PRCD: variants seen among roughly 807,000 people sequenced by gnomAD.
PRCD encodes the protein photoreceptor disk component PRCD.
In PRCD, 12 loss-of-function variants were observed where a neutral mutation model predicts 10.1. The ratio of observed to expected loss-of-function variants is 1.18; its 90% CI spans 0.76 to 1.92. PRCD has a LOEUF of 1.92. Ranked by LOEUF, PRCD falls within the 40% of genes most tolerant of loss-of-function variation. The pLI is 0.00. For synonymous variants in PRCD, 31 were observed against 26.2 expected (o/e 1.18, Z -0.56); for missense variants, 61 against 72.2 (o/e 0.84, Z 0.56).
At chr17:76,542,525 C>T (rs1177727814) in intron 2 of PRCD, 28 bp from the exon 3 acceptor site, 1 of 1,614,082 alleles carries the variant, frequency 6.2e-7, no homozygotes, top group East Asian at 2.2e-5. Context: ...GCCCTTCAAT[C>T]CTGACCCCAG....
Position 76,540,150 on chromosome 17 carries a change from C to G in PRCD, c.9C>G (p.Thr3=). MC[T]TLFLLSTLAM... is the part of the protein sequence containing the mutation. ...GATGGGGCAGCTGCGCCATGTGCAC[C>G]ACCCTTTTCCTGCTCAGCACCCTGG... The change falls in exon 1 of 5, where the codon ACC becomes ACG. Residue 3 remains threonine, a synonymous_variant. Coordinates refer to ENST00000592014, the MANE Select transcript of PRCD (RefSeq NM_001077620.3). This position sits in a 1 kb window ranked among gnomAD's most constrained non-coding sequence, Gnocchi z 5.0. 6.2e-7 allele frequency: 1 copy of G among 1,604,602 alleles called. No homozygotes were observed. The highest frequency in any genetic ancestry group is 1.1e-5 in the South Asian group (1 of 89,050).
chr17:76,531,083 A>C lies in PRCD; in HGVS notation n.45+3250A>C. Reference sequence around the variant, plus strand: ...GCTTGGCCCAGGCTCTCTGCGTCTCAGGTGGGAAGTCACTGGCAAATTCCT... The same window carrying C: ...GCTTGGCCCAGGCTCTCTGCGTCTCCGGTGGGAAGTCACTGGCAAATTCCT... On this transcript the variant is annotated intron_variant and non_coding_transcript_variant, in intron 1 of 4. Coordinates refer to the PRCD transcript ENST00000397633. The surrounding 1 kb of genome is among the most constrained non-coding windows in gnomAD (Gnocchi z 7.4). 6.2e-7 allele frequency: 1 copy of C among 1,613,690 alleles called. No individual in the cohort carries two copies.
At chr17:76,539,098 C>G (rs1481445550), upstream of PRCD, among the ~76,000 whole-genome samples, 1 of 152,072 alleles carries the variant, frequency 6.6e-6, no homozygotes, top group Non-Finnish European at 1.5e-5. Context: ...GAATGAAAAT[C>G]TAATGCCTCC....
In PRCD at chr17:76,528,850, G is replaced by A; in HGVS notation, n.45+1017G>A. ...CTCCGGATCTTTTTCTCTAAAATGT[G>A]AATAATGTCTGTCTTGTGACATAAA... On this transcript the variant is annotated intron_variant and non_coding_transcript_variant, in intron 1 of 4. Transcript: ENST00000397633. The surrounding 1 kb of genome is among the most constrained non-coding windows in gnomAD (Gnocchi z 5.8). 8.2e-7 allele frequency: 1 copy of A among 1,215,334 alleles called. No homozygotes were observed. The allele number at this position is 1,215,334 out of a possible 1,614,324, so 75.3% of individuals were successfully genotyped here.
intron 1 of PRCD, chr17:76,551,426 T>C (rs907033507): frequency 7.2e-5 from 11 of 152,188 alleles, no homozygotes; most frequent in Non-Finnish European, 1.5e-5. Flanking sequence ...GTCAAATGCA[T>C]CGCTTTTTTT....
In PRCD at chr17:76,530,530, G is replaced by A. The variant is rs1801660306; in HGVS notation, n.45+2697G>A. Among the ~76,000 whole-genome samples the A allele has an allele frequency of 6.6e-6, 1 of 152,164 alleles. No homozygotes were observed. The highest frequency in any genetic ancestry group is 2.1e-4 in the South Asian group (1 of 4,830). Reference sequence around the variant, plus strand: ...ATCCTCCGGGCTCTAGCCCTATTGAGGCAGAGGGCATTTAGCAGCACTGGT... The same window carrying A: ...ATCCTCCGGGCTCTAGCCCTATTGAAGCAGAGGGCATTTAGCAGCACTGGT... On this transcript the variant is annotated intron_variant and non_coding_transcript_variant, in intron 1 of 4. Transcript: ENST00000397633. The surrounding 1 kb of genome is among the most constrained non-coding windows in gnomAD (Gnocchi z 6.1).
chr17:76,540,686 T>C lies in PRCD; in HGVS notation c.143+113T>C. 9.3e-7 allele frequency: 1 copy of C among 1,073,602 alleles called. No individual in the cohort carries two copies. Among genetic ancestry groups the C allele is most frequent in the Non-Finnish European group, 1.4e-6 (1 of 710,284 alleles). The allele number at this position is 1,073,602 out of a possible 1,614,324, so 66.5% of individuals were successfully genotyped here. Reference sequence around the variant, plus strand: ...GCGCGCCTGTGCGTGCACCGTATCCTGGCCCTTGCCCTAAGCACCCTGCTC... The same window carrying C: ...GCGCGCCTGTGCGTGCACCGTATCCCGGCCCTTGCCCTAAGCACCCTGCTC... On this transcript the variant is annotated intron_variant, in intron 2 of 4. Transcript: ENST00000592014. The surrounding 1 kb of genome is among the most constrained non-coding windows in gnomAD (Gnocchi z 5.0).
Position 76,528,694 on chromosome 17 carries a change from T to G in PRCD, n.45+861T>G. On this transcript the variant is annotated intron_variant and non_coding_transcript_variant, in intron 1 of 4. Coordinates refer to the PRCD transcript ENST00000397633. This position sits in a 1 kb window ranked among gnomAD's most constrained non-coding sequence, Gnocchi z 5.8. Reference sequence around the variant, plus strand: ...GGGGGAAAGGGGGAGGACCTGGGGCTGGCGAGGCTCACTTCCTGCCAAGAG... The same window carrying G: ...GGGGGAAAGGGGGAGGACCTGGGGCGGGCGAGGCTCACTTCCTGCCAAGAG... 1.7e-6 allele frequency: 2 copies of G among 1,202,500 alleles called. No homozygotes were observed. Among genetic ancestry groups the G allele is most frequent in the Non-Finnish European group, 2.1e-6 (2 of 945,966 alleles). The allele number at this position is 1,202,500 out of a possible 1,614,324, so 74.5% of individuals were successfully genotyped here. A position where few individuals can be genotyped will look rare whatever the true frequency, so the allele number is the denominator to read the frequency against.
Position 76,540,408 on chromosome 17 carries a change from C to T in PRCD, c.75-97C>T. ...GAGCTTCAAAGGCTCTAGTTGCAGC[C>T]TCTACTCCCATAGCCCAATGCGGCC... On this transcript the variant is annotated intron_variant, in intron 1 of 4. Coordinates refer to ENST00000592014, the MANE Select transcript of PRCD (RefSeq NM_001077620.3). The surrounding 1 kb of genome is among the most constrained non-coding windows in gnomAD (Gnocchi z 5.0). The T allele has an allele frequency of 7.1e-7, 1 of 1,405,632 alleles. No homozygotes were observed. The highest frequency in any genetic ancestry group is 1.2e-5 in the South Asian group (1 of 86,642). The allele number at this position is 1,405,632 out of a possible 1,614,324, so 87.1% of individuals were successfully genotyped here.
Position 76,544,420 on chromosome 17 carries a change from G to C in PRCD, c.*770G>C, listed in dbSNP as rs991795551. 17 of 454,770 alleles carry C rather than the reference G, an allele frequency of 3.7e-5. No homozygotes were observed. The highest frequency in any genetic ancestry group is 1.4e-4 in the Admixed American group (6 of 42,556). The allele number at this position is 454,770 out of a possible 1,614,324, so 28.2% of individuals were successfully genotyped here. A position where few individuals can be genotyped will look rare whatever the true frequency, so the allele number is the denominator to read the frequency against. On this transcript the variant is annotated 3_prime_UTR_variant, in exon 5 of 5. Transcript: ENST00000592014. ...GAACCGCTGGGGAGGCGCTCAGGGTGGGGGAGGAGGTGCACCCCGCTGGGG... is the reference window on the plus strand; with the variant it reads ...GAACCGCTGGGGAGGCGCTCAGGGTCGGGGAGGAGGTGCACCCCGCTGGGG...
Position 76,544,525 on chromosome 17 carries a change from G to A in PRCD, c.*875G>A. ...GTGGGAGCCTCTCAAAGTAGGGCAG[G>A]CAGGAGGCAGGGGGAAAGTCACACT... On this transcript the variant is annotated 3_prime_UTR_variant, in exon 5 of 5. Transcript: ENST00000592014. 2.2e-6 allele frequency: 1 copy of A among 456,548 alleles called. No homozygotes were observed. Among genetic ancestry groups the A allele is most frequent in the Non-Finnish European group, 4.4e-6 (1 of 226,992 alleles). 28.3% of individuals were successfully genotyped at this position (456,548 alleles called of 1,614,324 possible). A position where few individuals can be genotyped will look rare whatever the true frequency, so the allele number is the denominator to read the frequency against.
chr17:76,535,842 G>A (rs1598206968), upstream of PRCD, among the ~76,000 whole-genome samples: 2 of 152,200 alleles, frequency 1.3e-5, no homozygotes, highest in South Asian at 2.1e-4. Context: ...CTTCCTCCAC[G>A]TATCCGCACA....
upstream of PRCD, among the ~76,000 whole-genome samples, chr17:76,539,228 C>G (rs1003684509): frequency 6.6e-6 from 1 of 152,246 alleles, no homozygotes; most frequent in African/African-American, 2.4e-5. Flanking sequence ...TGAACAGCTT[C>G]TCAAAGTTGG....
downstream of PRCD, among the ~76,000 whole-genome samples, chr17:76,547,791 T>G (rs921259667): frequency 2.8e-5 from 4 of 142,576 alleles, no homozygotes; most frequent in African/African-American, 1.1e-4. Context: ...CACACAGACA[T>G]ACACACATTC....
Position 76,544,595 on chromosome 17 carries a change from CAGGCCGTG to C in PRCD, c.*948_*955del. The stretch of plus-strand genomic sequence containing the variant: ...GCAAAGCCAGAGCGCCAGCCTGACC[CAGGCCGTG>C]AGCCCGTGATCGCCTGTCTCAGCTC... On this transcript the variant is annotated 3_prime_UTR_variant, in exon 5 of 5. Coordinates refer to ENST00000592014, the MANE Select transcript of PRCD (RefSeq NM_001077620.3). 1 of 456,746 alleles carries C rather than the reference CAGGCCGTG, an allele frequency of 2.2e-6. No homozygotes were observed. The highest frequency in any genetic ancestry group is 4.4e-6 in the Non-Finnish European group (1 of 226,962). The allele number at this position is 456,746 out of a possible 1,614,324, so 28.3% of individuals were successfully genotyped here. A position where few individuals can be genotyped will look rare whatever the true frequency, so the allele number is the denominator to read the frequency against.
At chr17:76,529,267 G>T in intron 1 of PRCD, 1 of 985,434 alleles carries the variant, frequency 1.0e-6, no homozygotes, top group Non-Finnish European at 1.2e-6. Context: ...GTGGGCTAGA[G>T]GGTGTAAAGG....
chr17:76,535,056 T>C (rs558851278), upstream of PRCD, among the ~76,000 whole-genome samples: 54 of 152,304 alleles, frequency 3.5e-4, no homozygotes, highest in African/African-American at 1.2e-3. Context: ...GAGGAAGGTG[T>C]CAGAGTTACA....
chr17:76,534,146 T>TTCTC (rs71158013), intron 1 of PRCD, among the ~76,000 whole-genome samples: 4,774 of 128,908 alleles, frequency 0.037, 121 homozygotes, highest in South Asian at 0.11. Flanking sequence ...CTCTTTCTCT[T>TTCTC]TCTCTCTCTC....
upstream of PRCD, among the ~76,000 whole-genome samples, chr17:76,538,711 C>T (rs928283556): frequency 3.9e-5 from 6 of 152,214 alleles, no homozygotes; most frequent in African/African-American, 1.4e-4. Context: ...CTATCCAGGG[C>T]AGTGTGAGAT....
Sources: gnomAD v4.1 joint callset for allele counts (sites outside exome capture counted in the v4.1 genomes callset) on GRCh38, gnomAD v4.1.1 for gene constraint, Gnocchi (gnomAD v3.1) non-coding constraint, MANE v1.5 for transcripts, NCBI Gene and HGNC (gene_info 2026-07-23, HGNC 2026-07-21) for gene names.